PKNOX2: variants seen among roughly 807,000 people sequenced by gnomAD.
PKNOX2 encodes PBX/knotted 1 homeobox 2.
A neutral mutation model predicts 53.1 loss-of-function variants in PKNOX2; 14 were observed. The ratio of observed to expected loss-of-function variants is 0.26; its 90% CI spans 0.17 to 0.41. The LOEUF (loss-of-function observed/expected upper bound fraction) is 0.41. Ranked by LOEUF, PKNOX2 falls within the 10% of genes least tolerant of loss-of-function variation. The probability of loss-of-function intolerance (pLI) is 1.00; values close to 1 mark genes in which losing one functional copy is unlikely to be tolerated. For synonymous variants in PKNOX2, 257 were observed against 242.8 expected (o/e 1.06, Z -0.54); for missense variants, 496 against 602.8 (o/e 0.82, Z 1.85).
chr11:125,337,915 A>G (rs529288330), intron 3 of PKNOX2, among the ~76,000 whole-genome samples: 5 of 152,318 alleles, frequency 3.3e-5, no homozygotes, highest in African/African-American at 1.2e-4. Flanking sequence ...AGACCTCATG[A>G]TGACTCAGGA....
At chr11:125,252,255 T>C (rs1052110862) in intron 2 of PKNOX2, among the ~76,000 whole-genome samples, 11 of 152,102 alleles carry the variant, frequency 7.2e-5, no homozygotes, top group Non-Finnish European at 1.6e-4. Context: ...AATGCAAAAT[T>C]TCCCACATTT....
At chr11:125,197,585 G>T (rs1565466959) in intron 1 of PKNOX2, among the ~76,000 whole-genome samples, 1 of 152,164 alleles carries the variant, frequency 6.6e-6, no homozygotes, top group Non-Finnish European at 1.5e-5. Context: ...AGCTGGGAGG[G>T]TCCCATTCTG....
chr11:125,379,003 AAAAG>A (rs764378927), intron 5 of PKNOX2, among the ~76,000 whole-genome samples: 3 of 151,718 alleles, frequency 2.0e-5, no homozygotes, highest in African/African-American at 4.8e-5. Flanking sequence ...AGGTGGTCCA[AAAAG>A]AAAGAAAGAG....
At chr11:125,341,835 G>A (rs1356776014) in intron 3 of PKNOX2, among the ~76,000 whole-genome samples, 2 of 152,262 alleles carry the variant, frequency 1.3e-5, no homozygotes, top group Admixed American at 6.5e-5. Context: ...GCCGCGCCAC[G>A]TCCTCTCGCA....
intron 2 of PKNOX2, among the ~76,000 whole-genome samples, chr11:125,321,179 A>G (rs1256907376): frequency 1.3e-5 from 2 of 152,212 alleles, no homozygotes; most frequent in African/African-American, 4.8e-5. Context: ...TGGAATCTGT[A>G]TAGGAGAGGG....
chr11:125,217,112 C>T (rs1940619612), intron 1 of PKNOX2, among the ~76,000 whole-genome samples: 1 of 152,148 alleles, frequency 6.6e-6, no homozygotes, highest in South Asian at 2.1e-4. Flanking sequence ...CATGAACACC[C>T]ACCCATGGAG....
intron 12 of PKNOX2, among the ~76,000 whole-genome samples, 182 bp from the exon 13 acceptor site, chr11:125,430,984 T>C (rs551259806): frequency 1.3e-4 from 19 of 151,672 alleles, no homozygotes; most frequent in Non-Finnish European, 2.8e-4. Context: ...GGGCAGGGAG[T>C]AGCTGACTAG....
At chr11:125,203,128 C>T (rs115595863) in intron 1 of PKNOX2, among the ~76,000 whole-genome samples, 1,865 of 152,304 alleles carry the variant, frequency 0.012, 27 homozygotes, top group African/African-American at 0.042. Flanking sequence ...TAGGACCTCA[C>T]CTCTGGCCTC....
chr11:125,191,723 A>G (rs1014533052), intron 1 of PKNOX2, among the ~76,000 whole-genome samples: 1 of 152,110 alleles, frequency 6.6e-6, no homozygotes, highest in African/African-American at 2.4e-5. Context: ...GGATGAGGAC[A>G]TTGGAAATGC....
rs535408816 is a variant in PKNOX2, at chr11:125,400,830, C to G, written c.588+2768C>G. ...CCCTGTGTTCATCTCATTTTCCTAT[C>G]CTAGATAACACTTTTTGAGCAGAGA... is the stretch of plus-strand genomic sequence containing the variant. On this transcript the variant is annotated intron_variant, in intron 7 of 12. Transcript: ENST00000298282. 7.9e-5 allele frequency among the ~76,000 whole-genome samples: 12 copies of G among 152,278 alleles called. No individual in the cohort carries two copies. The South Asian group carries it at 2.5e-3, about 32-fold the overall frequency.
chr11:125,318,222 TC>T (rs1458190408), intron 2 of PKNOX2, among the ~76,000 whole-genome samples: 1 of 151,950 alleles, frequency 6.6e-6, no homozygotes, highest in Non-Finnish European at 1.5e-5. Flanking sequence ...TTATCCTGCC[TC>T]AGCCTCCTCA....
chr11:125,273,812 G>A (rs1945979869), intron 2 of PKNOX2, among the ~76,000 whole-genome samples: 1 of 152,160 alleles, frequency 6.6e-6, no homozygotes, highest in African/African-American at 2.4e-5. Flanking sequence ...TTTGTTTTGT[G>A]TTTTGCTTTT....
At chr11:125,348,520 T>C (rs1951116383) in intron 3 of PKNOX2, among the ~76,000 whole-genome samples, 1 of 152,220 alleles carries the variant, frequency 6.6e-6, no homozygotes, top group African/African-American at 2.4e-5. Flanking sequence ...TGTGTCTTCT[T>C]TCGACGCGGG....
chr11:125,197,726 G>C (rs1937904004), intron 1 of PKNOX2, among the ~76,000 whole-genome samples: 1 of 152,206 alleles, frequency 6.6e-6, no homozygotes, highest in African/African-American at 2.4e-5. Flanking sequence ...TAGCTGGAAA[G>C]TCCCCAAGGG....
Position 125,395,634 on chromosome 11 carries a change from G to A in PKNOX2, c.400-2240G>A, listed in dbSNP as rs559227544. ...TTAACCATACCAATAGGTGTGTAGT[G>A]ATATCTCATTGTGGTTTTAATTTGC... is the stretch of plus-strand genomic sequence containing the variant. On this transcript the variant is annotated intron_variant, in intron 6 of 12. Coordinates refer to ENST00000298282, the MANE Select transcript of PKNOX2 (RefSeq NM_001382323.2). 9.9e-5 allele frequency among the ~76,000 whole-genome samples: 15 copies of A among 152,264 alleles called. No individual in the cohort carries two copies. The East Asian group carries it at 2.9e-3, about 29-fold the overall frequency.
chr11:125,394,078 C>A (rs1954243878), intron 6 of PKNOX2, among the ~76,000 whole-genome samples: 1 of 152,030 alleles, frequency 6.6e-6, no homozygotes, highest in South Asian at 2.1e-4. Flanking sequence ...ATAAATAAGG[C>A]CTGGAATGGG....
At position 125,192,467 on chromosome 11, in the gene PKNOX2, T is replaced by G. The variant is rs1438125062; in HGVS notation, c.-201+27691T>G. 2.6e-5 allele frequency among the ~76,000 whole-genome samples: 4 copies of G among 152,180 alleles called. No homozygotes were observed. The East Asian group carries it at 7.7e-4, about 29-fold the overall frequency. ...TGTCCTGCTGGCGGGAATTCATAAA[T>G]GATGTCCTTTAACCTGACGCTGGGG... On this transcript the variant is annotated intron_variant, in intron 1 of 12. Coordinates refer to ENST00000298282, the MANE Select transcript of PKNOX2 (RefSeq NM_001382323.2).
intron 2 of PKNOX2, among the ~76,000 whole-genome samples, chr11:125,248,865 T>C (rs1401850571): frequency 7.0e-6 from 1 of 143,568 alleles, no homozygotes; most frequent in African/African-American, 2.6e-5. Flanking sequence ...ATATAATATA[T>C]ATATATAACG....
At chr11:125,393,020 C>A (rs1289901029) in intron 6 of PKNOX2, among the ~76,000 whole-genome samples, 1 of 150,540 alleles carries the variant, frequency 6.6e-6, no homozygotes, top group Non-Finnish European at 1.5e-5. Flanking sequence ...AAAAAATTAG[C>A]CCGGCGTGGT....
Sources: gnomAD v4.1 joint callset for allele counts (sites outside exome capture counted in the v4.1 genomes callset) on GRCh38, gnomAD v4.1.1 for gene constraint, MANE v1.5 for transcripts, NCBI Gene and HGNC (gene_info 2026-07-23, HGNC 2026-07-21) for gene names.